Variants in AUTS2 observed in about 807,000 individuals in gnomAD.
AUTS2 encodes activator of transcription and developmental regulator AUTS2.
In AUTS2, 17 loss-of-function variants were observed where a neutral mutation model predicts 112.4. The ratio of observed to expected loss-of-function variants is 0.15; its 90% CI spans 0.10 to 0.23. The LOEUF (loss-of-function observed/expected upper bound fraction) is 0.23, where lower values mean the gene tolerates loss of function less well. Ranked by LOEUF, AUTS2 falls within the 10% of genes least tolerant of loss-of-function variation. AUTS2 has a pLI of 1.00. For missense variants in AUTS2, 1,510 were observed against 1,701.6 expected, an observed-to-expected ratio of 0.89 and a Z score of 1.98; for synonymous variants, 751 against 702.7, an observed-to-expected ratio of 1.07 and a Z score of -1.09.
At chr7:70,396,866 T>C (rs1794107866) in intron 4 of AUTS2, among the ~76,000 whole-genome samples, 1 of 152,170 alleles carries the variant, frequency 6.6e-6, no homozygotes, top group South Asian at 2.1e-4. Flanking sequence ...TGGACATATA[T>C]GTATTTGAAT....
chr7:69,896,602 T>C (rs1290013548), intron 1 of AUTS2, among the ~76,000 whole-genome samples: 1 of 152,104 alleles, frequency 6.6e-6, no homozygotes, highest in Non-Finnish European at 1.5e-5. Flanking sequence ...AGAGACAGCT[T>C]AGACTATTTT....
intron 4 of AUTS2, among the ~76,000 whole-genome samples, chr7:70,311,365 C>T (rs1325719176): frequency 6.6e-6 from 1 of 152,164 alleles, no homozygotes; most frequent in Non-Finnish European, 1.5e-5. Context: ...GTCGTGTCCC[C>T]TTTCTCCATT....
At chr7:70,391,815 G>T (rs1793875121) in intron 4 of AUTS2, among the ~76,000 whole-genome samples, 2 of 152,134 alleles carry the variant, frequency 1.3e-5, no homozygotes, top group Non-Finnish European at 1.5e-5. Context: ...GGGAAGAAAT[G>T]GCAAAAGCAA....
intron 1 of AUTS2, among the ~76,000 whole-genome samples, chr7:69,869,771 C>G (rs2129535058): frequency 6.6e-6 from 1 of 152,200 alleles, no homozygotes; most frequent in Non-Finnish European, 1.5e-5. Context: ...TACTGGGAAA[C>G]AACATTATTG....
At chr7:70,737,573 C>T (rs1484176208) in intron 6 of AUTS2, among the ~76,000 whole-genome samples, 4 of 152,140 alleles carry the variant, frequency 2.6e-5, no homozygotes. Flanking sequence ...ATTCACAAGC[C>T]CCTCTCCAAC....
At chr7:70,574,190 AC>A (rs1802065365) in intron 5 of AUTS2, among the ~76,000 whole-genome samples, 1 of 151,990 alleles carries the variant, frequency 6.6e-6, no homozygotes, top group South Asian at 2.1e-4. Flanking sequence ...GGGGCATCTT[AC>A]CCCTGCTTTC....
At chr7:70,303,434 G>GCGCGCACACACACACACACACACA (rs1241517255) in intron 4 of AUTS2, among the ~76,000 whole-genome samples, 5 of 142,052 alleles carry the variant, frequency 3.5e-5, no homozygotes, top group South Asian at 2.2e-4. Flanking sequence ...GCGCGCGCGC[G>GCGCGCACACACACACACACACACA]CACATACACA....
chr7:70,443,633 A>G (rs1234788617), intron 5 of AUTS2, among the ~76,000 whole-genome samples: 1 of 152,236 alleles, frequency 6.6e-6, no homozygotes, highest in African/African-American at 2.4e-5. Flanking sequence ...TGTACTCTCA[A>G]GCAACTGAAG....
rs1051513560 is a variant in AUTS2, at chr7:70,631,136, G to A, written c.691-67433G>A. On this transcript the variant is annotated intron_variant, in intron 5 of 18. Transcript: ENST00000342771. The surrounding 1 kb of genome is among the most constrained non-coding windows in gnomAD (Gnocchi z 4.5). ...GCAACCCGCTCTGGCCCCTCGCCGC[G>A]CCATTCCTGATGACAAACTGCCAGC... 4.6e-5 allele frequency among the ~76,000 whole-genome samples: 7 copies of A among 152,158 alleles called. No individual in the cohort carries two copies. The highest frequency in any genetic ancestry group is 1.2e-4 in the African/African-American group (5 of 41,438).
chr7:70,775,191 C>T, intron 12 of AUTS2, 166 bp from the exon 13 acceptor site: 3 of 634,382 alleles, frequency 4.7e-6, no homozygotes, highest in Non-Finnish European at 5.5e-6. Flanking sequence ...ACACTTGGCA[C>T]TTTTGATAGT....
intron 5 of AUTS2, among the ~76,000 whole-genome samples, chr7:70,669,759 G>A (rs370972620): frequency 3.5e-4 from 54 of 152,280 alleles, no homozygotes; most frequent in African/African-American, 1.1e-3. Flanking sequence ...TTTTCTGTGC[G>A]TTTCTTATTT....
At chr7:70,369,080 A>G (rs1792720630) in intron 4 of AUTS2, among the ~76,000 whole-genome samples, 1 of 152,188 alleles carries the variant, frequency 6.6e-6, no homozygotes, top group African/African-American at 2.4e-5. Context: ...TTCCCAAGAG[A>G]GCGATTTCTA....
chr7:70,190,090 T>C (rs1809804046), intron 4 of AUTS2, among the ~76,000 whole-genome samples: 1 of 152,176 alleles, frequency 6.6e-6, no homozygotes, highest in Admixed American at 6.5e-5. Flanking sequence ...CAGAACAAAA[T>C]GTTATGTTCC....
chr7:70,153,729 C>T (rs1035806573), intron 4 of AUTS2, among the ~76,000 whole-genome samples: 5 of 152,164 alleles, frequency 3.3e-5, no homozygotes, highest in Admixed American at 2.6e-4. Flanking sequence ...CTAGCTCAGA[C>T]AGCTACACAC....
At chr7:70,161,633 C>T (rs1198958787) in intron 4 of AUTS2, among the ~76,000 whole-genome samples, 1 of 150,280 alleles carries the variant, frequency 6.7e-6, no homozygotes, top group African/African-American at 2.5e-5. Flanking sequence ...CTGTTTAGGT[C>T]ACAAATTTGT....
intron 4 of AUTS2, among the ~76,000 whole-genome samples, chr7:70,305,838 G>T (rs1789468705): frequency 1.3e-5 from 2 of 152,174 alleles, no homozygotes; most frequent in African/African-American, 4.8e-5. Flanking sequence ...TGTACATCTG[G>T]TGAGTATAAA....
At chr7:69,752,644 C>T (rs759691822) in intron 1 of AUTS2, among the ~76,000 whole-genome samples, 11 of 152,094 alleles carry the variant, frequency 7.2e-5, no homozygotes, top group Non-Finnish European at 1.2e-4. Flanking sequence ...GTGACACTCG[C>T]GGTTGACTCG....
At chr7:70,585,956 G>A (rs538309900) in intron 5 of AUTS2, among the ~76,000 whole-genome samples, 4 of 152,010 alleles carry the variant, frequency 2.6e-5, no homozygotes, top group South Asian at 4.2e-4. Context: ...TCTACCTCCC[G>A]GGTTCAAGCT....
intron 1 of AUTS2, among the ~76,000 whole-genome samples, chr7:69,680,810 C>T (rs1045231516): frequency 5.3e-5 from 8 of 152,146 alleles, no homozygotes; most frequent in Non-Finnish European, 8.8e-5. Flanking sequence ...GCTGGGATTA[C>T]GGGCTCGCGC....
Sources: allele counts gnomAD v4.1 joint callset (sites outside exome capture counted in the v4.1 genomes callset), GRCh38; gene constraint gnomAD v4.1.1; non-coding constraint Gnocchi (gnomAD v3.1); transcripts MANE v1.5; gene names NCBI Gene and HGNC (gene_info 2026-07-23, HGNC 2026-07-21).